PTPRF: variants seen among roughly 807,000 people sequenced by gnomAD.
PTPRF encodes receptor-type tyrosine-protein phosphatase F.
A neutral mutation model predicts 201.8 loss-of-function variants in PTPRF; 59 were observed. The ratio of observed to expected loss-of-function variants is 0.29; its 90% CI spans 0.24 to 0.36. The LOEUF (loss-of-function observed/expected upper bound fraction) is 0.36, where lower values mean the gene tolerates loss of function less well. Among genes scored for constraint, PTPRF ranks in the 10% least tolerant of loss-of-function variants. The pLI is 1.00. For missense variants in PTPRF, 2,132 were observed against 2,690.5 expected (o/e 0.79, Z 4.59); for synonymous variants, 1,088 against 1,089.7 (o/e 1.00, Z 0.03).
intron 5 of PTPRF, among the ~76,000 whole-genome samples, chr1:43,564,165 A>G (rs1645996579): frequency 1.3e-5 from 2 of 152,196 alleles, no homozygotes. Context: ...AGATGGGCCC[A>G]AGGCTCCCCA....
At chr1:43,596,320 A>G (rs928108044) in intron 11 of PTPRF, among the ~76,000 whole-genome samples, 2 of 152,142 alleles carry the variant, frequency 1.3e-5, no homozygotes, top group Non-Finnish European at 2.9e-5. Flanking sequence ...GGGCATGACC[A>G]CAGCTGTGCA....
intron 21 of PTPRF, among the ~76,000 whole-genome samples, chr1:43,607,831 A>C (rs1349473660): frequency 6.6e-6 from 1 of 152,234 alleles, no homozygotes; most frequent in Admixed American, 6.5e-5. Flanking sequence ...TGGTGCCTGC[A>C]AGGCCTTGCC....
chr1:43,566,524 G>A (rs1298400035), intron 5 of PTPRF, among the ~76,000 whole-genome samples: 1 of 152,168 alleles, frequency 6.6e-6, no homozygotes, highest in African/African-American at 2.4e-5. Context: ...CAGCTTCCGC[G>A]GGTGCCCGTG....
chr1:43,597,725 TC>T (rs776316055), intron 11 of PTPRF, 22 bp from the exon 12 acceptor site: 31 of 1,376,386 alleles, frequency 2.3e-5, no homozygotes, highest in Non-Finnish European at 2.8e-5. Flanking sequence ...TCTGCTTGCT[TC>T]CCCCCCATTT....
At chr1:43,569,962 T>C (rs1343173186) in intron 6 of PTPRF, among the ~76,000 whole-genome samples, 184 bp downstream of exon 6, 1 of 152,210 alleles carries the variant, frequency 6.6e-6, no homozygotes, top group Non-Finnish European at 1.5e-5. Flanking sequence ...TGGTTGGCTG[T>C]GCCGTTACCT....
upstream of PTPRF, among the ~76,000 whole-genome samples, chr1:43,528,057 G>A (rs992019206): frequency 3.3e-5 from 5 of 152,222 alleles, no homozygotes; most frequent in South Asian, 4.1e-4. Context: ...AGGAACTGCT[G>A]TCCACAGGTC....
intron 22 of PTPRF, among the ~76,000 whole-genome samples, chr1:43,611,621 CT>C (rs1294368251): frequency 7.9e-5 from 12 of 152,276 alleles, no homozygotes; most frequent in African/African-American, 2.6e-4. Context: ...CAGAACCATG[CT>C]TTAGAAATGT....
intron 7 of PTPRF, among the ~76,000 whole-genome samples, chr1:43,587,618 C>T (rs1322710848): frequency 6.6e-6 from 1 of 152,170 alleles, no homozygotes; most frequent in Non-Finnish European, 1.5e-5. Flanking sequence ...CTTTGCATGC[C>T]TGGGCCCCCC....
At chr1:43,590,036 TA>T (rs1650250470) in intron 8 of PTPRF, among the ~76,000 whole-genome samples, 1 of 152,172 alleles carries the variant, frequency 6.6e-6, no homozygotes, top group Admixed American at 6.5e-5. Context: ...CCCGTTGTTT[TA>T]GGATACAGAT....
At chr1:43,570,029 G>A (rs1646462919) in intron 6 of PTPRF, among the ~76,000 whole-genome samples, 1 of 152,232 alleles carries the variant, frequency 6.6e-6, no homozygotes, top group Non-Finnish European at 1.5e-5. Context: ...CAGCACATGT[G>A]ATGTGCCAGT....
rs569977327 is a variant in PTPRF, at chr1:43,553,993, A to G, written c.379+52A>G. ...TGGGCTGCCGGGCTGAGGCGTGGGAAGAGCCAGCCAGCCCTGATCCTGTCC... is the reference window on the plus strand; with the variant it reads ...TGGGCTGCCGGGCTGAGGCGTGGGAGGAGCCAGCCAGCCCTGATCCTGTCC... On this transcript the variant is annotated intron_variant, in intron 5 of 33. Coordinates refer to ENST00000359947, the MANE Select transcript of PTPRF (RefSeq NM_002840.5). The surrounding 1 kb of genome is among the most constrained non-coding windows in gnomAD (Gnocchi z 4.1). The G allele has an allele frequency of 1.2e-6, 2 of 1,602,302 alleles. No homozygotes were observed. Among genetic ancestry groups the G allele is most frequent in the Non-Finnish European group, 1.7e-6 (2 of 1,172,846 alleles).
chr1:43,615,781 T>C (rs942381895), intron 23 of PTPRF, among the ~76,000 whole-genome samples: 2 of 151,978 alleles, frequency 1.3e-5, no homozygotes, highest in African/African-American at 2.4e-5. Flanking sequence ...TTAGCCAGGA[T>C]GGTCTCGATC....
intron 5 of PTPRF, among the ~76,000 whole-genome samples, chr1:43,567,920 A>G (rs1233376388): frequency 6.6e-6 from 1 of 152,156 alleles, no homozygotes; most frequent in Non-Finnish European, 1.5e-5. Context: ...GGAGACAGAC[A>G]AAGAACACAC....
At chr1:43,579,244 G>A (rs1267903233) in intron 7 of PTPRF, 1 of 562,920 alleles carries the variant, frequency 1.8e-6, no homozygotes, top group East Asian at 4.4e-5. Context: ...TGGTGTATGT[G>A]CATGTGTGTG....
chr1:43,605,379 G>A lies in PTPRF; in HGVS notation c.3325G>A (p.Ala1109Thr), dbSNP rs1241454644. The A allele has an allele frequency of 1.9e-6, 3 of 1,613,848 alleles. No individual in the cohort carries two copies. Among genetic ancestry groups the A allele is most frequent in the East Asian group, 2.2e-5 (1 of 44,892 alleles). The change falls in exon 18 of 34, where the codon GCC becomes ACC. Residue 1109 changes from alanine (A) to threonine (T), a missense_variant. By Grantham distance (58) the Ala-to-Thr change is moderately conservative. Coordinates refer to ENST00000359947, the MANE Select transcript of PTPRF (RefSeq NM_002840.5). ...LLPHKPLPAS[A>T]YIEDGRFDLS... ...GCCTCACAAGCCGCTGCCTGCCTCT[G>A]CCTACATAGAGGACGGCCGCTTCGA...
intron 25 of PTPRF, 115 bp from the exon 26 acceptor site, chr1:43,618,515 T>TG (rs1196997836): frequency 2.2e-6 from 3 of 1,344,978 alleles, no homozygotes; most frequent in African/African-American, 1.4e-5. Context: ...AGCTCAGGGC[T>TG]GGGGGGCTTT....
intron 3 of PTPRF, among the ~76,000 whole-genome samples, chr1:43,545,919 C>T (rs1199268875): frequency 6.6e-6 from 1 of 152,198 alleles, no homozygotes; most frequent in African/African-American, 2.4e-5. Context: ...CTCAGCCCGC[C>T]CCATCGCCAT....
rs1204390672 is a variant in PTPRF at position 43,621,970 on chromosome 1, G to A, written c.5691G>A (p.Glu1897=). 1.9e-6 allele frequency: 3 copies of A among 1,614,040 alleles called. No individual in the cohort carries two copies. The highest frequency in any genetic ancestry group is 1.7e-6 in the Non-Finnish European group (2 of 1,180,004). The change falls in exon 34 of 34, where the codon GAG becomes GAA. Residue 1897 remains glutamate, a synonymous_variant. Coordinates refer to ENST00000359947, the MANE Select transcript of PTPRF (RefSeq NM_002840.5). ...QYQLCYRAAL[E]YLGSFDHYAT ...AGCTGTGCTACCGTGCGGCCCTGGA[G>A]TACCTCGGCAGCTTTGACCACTATG... is the stretch of plus-strand genomic sequence containing the variant.
At chr1:43,620,313 T>A in intron 30 of PTPRF, 92 bp downstream of exon 30, 7 of 1,563,606 alleles carry the variant, frequency 4.5e-6, no homozygotes, top group Non-Finnish European at 6.1e-6. Context: ...CTGTCTCCTT[T>A]GACACCCCAG....
Sources: gnomAD v4.1 joint callset for allele counts (sites outside exome capture counted in the v4.1 genomes callset) on GRCh38, gnomAD v4.1.1 for gene constraint, Gnocchi (gnomAD v3.1) non-coding constraint, MANE v1.5 for transcripts, NCBI Gene and HGNC (gene_info 2026-07-23, HGNC 2026-07-21) for gene names.